Variants in CTNNB1 observed in about 807,000 individuals in gnomAD.
The protein encoded by CTNNB1 is catenin beta-1.
A neutral mutation model predicts 82.5 loss-of-function variants in CTNNB1; 6 were observed. The ratio of observed to expected loss-of-function variants is 0.07; its 90% CI spans 0.04 to 0.14. The LOEUF is 0.14. Ranked by LOEUF, CTNNB1 falls within the 10% of genes least tolerant of loss-of-function variation. The pLI is 1.00. For synonymous variants in CTNNB1, 312 were observed against 329.7 expected (o/e 0.95, Z 0.58); for missense variants, 529 against 980.4 (o/e 0.54, Z 6.15).
In CTNNB1 at chr3:41,225,325, G is replaced by A. The variant is rs1652264904; in HGVS notation, c.496-9G>A. On this transcript the variant is annotated splice_polypyrimidine_tract_variant and intron_variant, in intron 4 of 14. Transcript: ENST00000349496. The surrounding 1 kb of genome is among the most constrained non-coding windows in gnomAD (Gnocchi z 5.3). ...AAACTAACGATGTTTCTGAATTCCT[G>A]TATTACAGGTGGTGGTTAATAAGGC... The A allele has an allele frequency of 6.2e-7, 1 of 1,614,018 alleles. No individual in the cohort carries two copies. Among genetic ancestry groups the A allele is most frequent in the East Asian group, 2.2e-5 (1 of 44,884 alleles).
Position 41,225,755 on chromosome 3 carries a change from G to A in CTNNB1, c.830G>A (p.Gly277Asp), listed in dbSNP as rs2125624379. ...GCTAAAATGGCAGTGCGTTTAGCTG[G>A]TGGGCTGCAGAAAATGGTTGCCTTG... The part of the protein sequence containing the change: ...EGAKMAVRLA[G>D]GLQKMVALLN... The change falls in exon 6 of 15, where the codon GGT becomes GAT. Residue 277 changes from glycine (G) to aspartate (D), a missense_variant. Gly to Asp is a moderately conservative substitution (Grantham distance 94, BLOSUM62 -1). Transcript: ENST00000349496. This position sits in a 1 kb window ranked among gnomAD's most constrained non-coding sequence, Gnocchi z 5.3. 2 of 1,614,158 alleles carry A rather than the reference G, an allele frequency of 1.2e-6. No individual in the cohort carries two copies. The highest frequency in any genetic ancestry group is 1.7e-6 in the Non-Finnish European group (2 of 1,180,008).
Position 41,235,734 on chromosome 3 carries a change from G to T in CTNNB1, c.1694G>T (p.Arg565Leu), listed in dbSNP as rs760837728. The T allele has an allele frequency of 2.5e-6, 4 of 1,613,936 alleles. No individual in the cohort carries two copies. The highest frequency in any genetic ancestry group is 3.4e-6 in the Non-Finnish European group (4 of 1,179,982). The change falls in exon 11 of 15, where the codon CGC (arginine) becomes CTC (leucine). Residue 565 changes from arginine to leucine, a missense_variant. Transcript: ENST00000349496. ...GTQQQFVEGV[R>L]MEEIVEGCTG... ...TGTTTCTTTTGGCAGGAGGGGGTCC[G>T]CATGGAAGAAATAGTTGAAGGTTGT...
intron 6 of CTNNB1, among the ~76,000 whole-genome samples, chr3:41,226,676 C>T (rs1029632906): frequency 7.2e-5 from 11 of 151,946 alleles, no homozygotes; most frequent in Non-Finnish European, 1.3e-4. Context: ...TCAGCAGAAG[C>T]CTGAAATGAT....
chr3:41,214,126 A>G (rs2077860710), intron 1 of CTNNB1, among the ~76,000 whole-genome samples: 1 of 152,136 alleles, frequency 6.6e-6, no homozygotes, highest in Non-Finnish European at 1.5e-5. Context: ...ACTTGGGTTC[A>G]TTTCCTGATG....
intron 7 of CTNNB1, among the ~76,000 whole-genome samples, chr3:41,231,909 G>T (rs2078318135): frequency 6.6e-6 from 1 of 152,148 alleles, no homozygotes; most frequent in Non-Finnish European, 1.5e-5. Context: ...GACAACATTG[G>T]TACCATGAAG....
rs1018043393 is a variant in CTNNB1 at position 41,224,046 on chromosome 3, G to A, written c.-23G>A. The A allele has an allele frequency of 6.2e-7, 1 of 1,613,226 alleles. No homozygotes were observed. The highest frequency in any genetic ancestry group is 1.7e-5 in the Admixed American group (1 of 59,984). ...GGTATTTGAAGTATACCATACAACTGTTTTGAAAATCCAGCGTGGACAATG... is the reference window on the plus strand; with the variant it reads ...GGTATTTGAAGTATACCATACAACTATTTTGAAAATCCAGCGTGGACAATG... On this transcript the variant is annotated 5_prime_UTR_variant, in exon 2 of 15. Transcript: ENST00000349496.
chr3:41,224,217 C>G (rs1284650831), intron 2 of CTNNB1, 136 bp downstream of exon 2: 2 of 1,088,902 alleles, frequency 1.8e-6, no homozygotes, highest in African/African-American at 1.5e-5. Context: ...TTTCTGCTCA[C>G]TCCTCCTAAT....
At chr3:41,215,756 C>G (rs1290081175) in intron 1 of CTNNB1, among the ~76,000 whole-genome samples, 1 of 151,998 alleles carries the variant, frequency 6.6e-6, no homozygotes, top group East Asian at 1.9e-4. Context: ...TTAATTCTGC[C>G]TGTAGTCTGA....
At chr3:41,236,188 C>T (rs1448105316) in intron 11 of CTNNB1, 161 bp from the exon 12 acceptor site, 13 of 909,960 alleles carry the variant, frequency 1.4e-5, no homozygotes, top group Non-Finnish European at 2.2e-5. Context: ...ATCCAGTGCT[C>T]CAGAGCATTA....
chr3:41,217,009 T>G (rs191670633), intron 1 of CTNNB1, among the ~76,000 whole-genome samples: 1 of 152,314 alleles, frequency 6.6e-6, no homozygotes, highest in East Asian at 1.9e-4. Context: ...AAAGCCTAAG[T>G]CATACATCAC....
chr3:41,235,613 C>A, intron 10 of CTNNB1, 111 bp from the exon 11 acceptor site: 1 of 1,426,476 alleles, frequency 7.0e-7, no homozygotes, highest in Non-Finnish European at 9.9e-7. Flanking sequence ...GAACTAATTG[C>A]AAGTTACGGG....
intron 1 of CTNNB1, among the ~76,000 whole-genome samples, chr3:41,219,310 T>TA (rs1278846532): frequency 1.3e-5 from 2 of 152,226 alleles, no homozygotes; most frequent in Non-Finnish European, 2.9e-5. Flanking sequence ...TGTGTGGAGT[T>TA]ACTCATTGGT....
rs769068251 is a variant in CTNNB1, at chr3:41,238,020, C to T, written c.2081C>T (p.Ala694Val). The T allele has an allele frequency of 1.2e-5, 19 of 1,613,544 alleles. No homozygotes were observed. The South Asian group carries it at 2.0e-4, about 17-fold the overall frequency. ...RTEPMAWNET[A>V]DLGLDIGAQG... ...GCTTTGTGCATGTTTATCTAGACTG[C>T]TGATCTTGGACTTGATATTGGTGCC... Residue 694 changes from alanine to valine, a missense_variant, in exon 14 of 15, where the codon GCT becomes GTT. Physicochemically the swap from Ala to Val is moderately conservative, Grantham distance 64. Transcript: ENST00000349496.
At chr3:41,210,669 CT>C (rs937377743) in intron 1 of CTNNB1, among the ~76,000 whole-genome samples, 37 of 147,316 alleles carry the variant, frequency 2.5e-4, no homozygotes, top group African/African-American at 4.5e-4. Context: ...TTATAGTTAA[CT>C]TTTTTTTTTT....
At chr3:41,222,703 TAAA>T (rs1212492516) in intron 1 of CTNNB1, among the ~76,000 whole-genome samples, 1 of 152,172 alleles carries the variant, frequency 6.6e-6, no homozygotes, top group Non-Finnish European at 1.5e-5. Context: ...AACAGTACTA[TAAA>T]AAAATGTTCC....
At chr3:41,211,723 A>G (rs1220075438) in intron 1 of CTNNB1, among the ~76,000 whole-genome samples, 1 of 152,186 alleles carries the variant, frequency 6.6e-6, no homozygotes, top group Non-Finnish European at 1.5e-5. Context: ...TATAGGCTGC[A>G]TCATATTCCA....
chr3:41,235,696 T>G, intron 10 of CTNNB1, 28 bp from the exon 11 acceptor site: 1 of 1,614,134 alleles, frequency 6.2e-7, no homozygotes, highest in Non-Finnish European at 8.5e-7. Flanking sequence ...GAGAATGCCC[T>G]GTTTGTTAAC....
intron 11 of CTNNB1, 107 bp from the exon 12 acceptor site, chr3:41,236,242 T>C: frequency 8.0e-7 from 1 of 1,242,570 alleles, no homozygotes; most frequent in Non-Finnish European, 1.2e-6. Context: ...TTTACTACAG[T>C]GTGAATGCCT....
At chr3:41,208,604 T>C (rs1039566254) in intron 1 of CTNNB1, among the ~76,000 whole-genome samples, 3 of 152,218 alleles carry the variant, frequency 2.0e-5, no homozygotes, top group African/African-American at 7.2e-5. Context: ...AGCTGAAGTT[T>C]CATACTGAAT....
Sources: allele counts gnomAD v4.1 joint callset (sites outside exome capture counted in the v4.1 genomes callset), GRCh38; gene constraint gnomAD v4.1.1; non-coding constraint Gnocchi (gnomAD v3.1); transcripts MANE v1.5; gene names NCBI Gene and HGNC (gene_info 2026-07-23, HGNC 2026-07-21).